PCDH15: variants seen among roughly 807,000 people sequenced by gnomAD.
PCDH15 encodes the protein protocadherin related 15.
In PCDH15, 129 loss-of-function variants were observed where a neutral mutation model predicts 178.5. That is an observed-to-expected ratio of 0.72 (90% CI 0.63 to 0.84). The LOEUF is 0.84. Among genes scored for constraint, PCDH15 ranks in the 40% least tolerant of loss-of-function variants. The pLI, the probability that PCDH15 is intolerant of heterozygous loss-of-function variation, is 0.00. For missense variants in PCDH15, 2,230 were observed against 2,099.9 expected (o/e 1.06, Z -1.21); for synonymous variants, 800 against 732.0 (o/e 1.09, Z -1.50).
intron 1 of PCDH15, among the ~76,000 whole-genome samples, chr10:54,704,290 C>T (rs2095343787): frequency 6.6e-6 from 1 of 152,040 alleles, no homozygotes; most frequent in East Asian, 1.9e-4. Context: ...GTACATGAAA[C>T]TATCAAGTGT....
intron 1 of PCDH15, among the ~76,000 whole-genome samples, chr10:54,731,561 T>TATATATATATATATAC (rs1566067493): frequency 2.1e-5 from 1 of 48,304 alleles, no homozygotes; most frequent in African/African-American, 7.4e-5. Flanking sequence ...TATATATATA[T>TATATATATATATATAC]ATACACACAC....
intron 2 of PCDH15, among the ~76,000 whole-genome samples, chr10:54,951,306 T>C (rs942400207): frequency 1.3e-5 from 2 of 152,054 alleles, no homozygotes; most frequent in African/African-American, 4.8e-5. Flanking sequence ...TTTCATATAG[T>C]TGGGATCAAA....
At chr10:54,054,184 G>T (rs375174095) in intron 18 of PCDH15, among the ~76,000 whole-genome samples, 1 of 152,120 alleles carries the variant, frequency 6.6e-6, no homozygotes, top group Non-Finnish European at 1.5e-5. Flanking sequence ...TCTATTTGAG[G>T]CTGTAGCTTA....
intron 3 of PCDH15, among the ~76,000 whole-genome samples, chr10:54,880,568 T>C (rs1786246947): frequency 6.6e-6 from 1 of 151,630 alleles, no homozygotes; most frequent in African/African-American, 2.4e-5. Context: ...AGCAGTAAAG[T>C]GTAGGAAAGA....
At chr10:55,329,984 A>G (rs1844155898) in intron 2 of PCDH15, among the ~76,000 whole-genome samples, 1 of 151,814 alleles carries the variant, frequency 6.6e-6, no homozygotes, top group Non-Finnish European at 1.5e-5. Flanking sequence ...GAGTCACATT[A>G]CTTTCTTTCA....
chr10:53,806,114 T>C lies in PCDH15; in HGVS notation c.*465A>G, dbSNP rs966086429. On this transcript the variant is annotated 3_prime_UTR_variant, in exon 38 of 38. Coordinates refer to ENST00000644397, the MANE Select transcript of PCDH15 (RefSeq NM_001384140.1). ...CAATTCTAGCTTTCATTTTAAAAAT[T>C]AGGGCAGTATAGACAGCAGCTGTAT... 2 of 153,778 alleles carry C rather than the reference T, an allele frequency of 1.3e-5. No homozygotes were observed. The highest frequency in any genetic ancestry group is 6.4e-5 in the Admixed American group (1 of 15,528). 9.5% of individuals were successfully genotyped at this position (153,778 alleles called of 1,614,324 possible).
chr10:55,540,130 C>A (rs763465443), intron 2 of PCDH15, among the ~76,000 whole-genome samples: 30 of 151,952 alleles, frequency 2.0e-4, no homozygotes, highest in Non-Finnish European at 3.7e-4. Flanking sequence ...TCAGATTGTG[C>A]CTTAATCTAT....
intron 28 of PCDH15, among the ~76,000 whole-genome samples, chr10:53,851,857 A>G (rs560312904): frequency 8.6e-5 from 13 of 151,482 alleles, no homozygotes; most frequent in African/African-American, 2.9e-4. Flanking sequence ...TACACAGCAC[A>G]TTTCAGGTGC....
chr10:55,417,780 G>A (rs1487286687), intron 2 of PCDH15, among the ~76,000 whole-genome samples: 1 of 151,048 alleles, frequency 6.6e-6, no homozygotes, highest in Non-Finnish European at 1.5e-5. Context: ...AAAAACAAGT[G>A]AGATTGGATT....
chr10:54,065,093 A>C (rs961747680), intron 18 of PCDH15, among the ~76,000 whole-genome samples: 1 of 152,224 alleles, frequency 6.6e-6, no homozygotes, highest in African/African-American at 2.4e-5. Flanking sequence ...CTATCAGATT[A>C]TGCTGAGGGA....
intron 2 of PCDH15, among the ~76,000 whole-genome samples, chr10:55,048,407 A>C (rs1214864227): frequency 3.9e-5 from 6 of 151,958 alleles, no homozygotes; most frequent in Admixed American, 3.9e-4. Flanking sequence ...AGTAAATAAG[A>C]AAGAACAGCA....
chr10:54,652,743 A>C (rs1167132930), intron 2 of PCDH15, among the ~76,000 whole-genome samples: 1 of 152,166 alleles, frequency 6.6e-6, no homozygotes, highest in Non-Finnish European at 1.5e-5. Context: ...GAGAGGACTG[A>C]GGCAACCAGC....
chr10:55,589,436 T>C (rs1232744122), intron 2 of PCDH15, among the ~76,000 whole-genome samples: 2 of 152,008 alleles, frequency 1.3e-5, no homozygotes, highest in Non-Finnish European at 2.9e-5. Flanking sequence ...CCAAAAGCAA[T>C]GGCAACAAAA....
chr10:55,600,827 G>A (rs992290393), intron 2 of PCDH15, among the ~76,000 whole-genome samples: 23 of 151,960 alleles, frequency 1.5e-4, no homozygotes, highest in African/African-American at 5.3e-4. Flanking sequence ...AGGTTCTTAT[G>A]CTTTCCACTA....
chr10:55,262,385 C>T (rs1842168331), intron 1 of PCDH15, among the ~76,000 whole-genome samples: 1 of 152,092 alleles, frequency 6.6e-6, no homozygotes, highest in Non-Finnish European at 1.5e-5. Context: ...TGTTGCATTT[C>T]CTAAGACCAC....
chr10:54,248,101 A>G (rs2056162389), intron 8 of PCDH15, among the ~76,000 whole-genome samples: 1 of 151,652 alleles, frequency 6.6e-6, no homozygotes, highest in Admixed American at 6.6e-5. Context: ...AAAAATTTTC[A>G]TTTGAAACTA....
chr10:55,364,608 G>C (rs1246040169), intron 2 of PCDH15, among the ~76,000 whole-genome samples: 1 of 151,930 alleles, frequency 6.6e-6, no homozygotes, highest in Non-Finnish European at 1.5e-5. Context: ...ATATTATTTT[G>C]TGTCTTTTGC....
At chr10:55,489,502 G>A (rs751868106) in intron 2 of PCDH15, among the ~76,000 whole-genome samples, 1 of 151,588 alleles carries the variant, frequency 6.6e-6, no homozygotes, top group Non-Finnish European at 1.5e-5. Flanking sequence ...GCTTCCTAAT[G>A]TAAAATTCAC....
chr10:54,697,515 G>GTATATATATA lies in PCDH15; in HGVS notation c.-28-33235_-28-33226dup, dbSNP rs141387823. Among the ~76,000 whole-genome samples the GTATATATATA allele has an allele frequency of 8.7e-3, 1,250 of 143,062 alleles. 16 individuals carry two copies. Among genetic ancestry groups the GTATATATATA allele is most frequent in the African/African-American group, 0.031 (1,160 of 37,812 alleles). 93.9% of individuals were successfully genotyped at this position (143,062 alleles called of 152,430 possible). A position where few individuals can be genotyped will look rare whatever the true frequency, so the allele number is the denominator to read the frequency against. On this transcript the variant is annotated intron_variant, in intron 1 of 37. Coordinates refer to ENST00000644397, the MANE Select transcript of PCDH15 (RefSeq NM_001384140.1). ...TATCGCTATGCTTATTGAAATGTGT[G>GTATATATATA]TATATATATATATATATATACCTCT... is the stretch of plus-strand genomic sequence containing the variant.
Sources: allele counts gnomAD v4.1 joint callset (sites outside exome capture counted in the v4.1 genomes callset), GRCh38; gene constraint gnomAD v4.1.1; transcripts MANE v1.5; gene names NCBI Gene and HGNC (gene_info 2026-07-23, HGNC 2026-07-21).